CACNB4: variants seen among roughly 807,000 people sequenced by gnomAD.
CACNB4 encodes voltage-dependent L-type calcium channel subunit beta-4.
CACNB4 carries 32 observed loss-of-function variants against 71.2 expected under a neutral mutation model. The ratio of observed to expected loss-of-function variants is 0.45; its 90% CI spans 0.34 to 0.60. The LOEUF is 0.60. Among genes scored for constraint, CACNB4 ranks in the 20% least tolerant of loss-of-function variants. CACNB4 has a pLI of 0.01. For missense variants in CACNB4, 464 were observed against 647.9 expected, an observed-to-expected ratio of 0.72 and a Z score of 3.08; for synonymous variants, 231 against 236.9, an observed-to-expected ratio of 0.97 and a Z score of 0.23.
At chr2:152,024,925 A>C (rs1683881908) in intron 2 of CACNB4, among the ~76,000 whole-genome samples, 1 of 152,160 alleles carries the variant, frequency 6.6e-6, no homozygotes, top group South Asian at 2.1e-4. Flanking sequence ...GCGTGGTGGC[A>C]CGTGCCTGTA....
At chr2:151,846,199 A>G (rs911919559) in intron 12 of CACNB4, among the ~76,000 whole-genome samples, 1 of 152,202 alleles carries the variant, frequency 6.6e-6, no homozygotes, top group South Asian at 2.1e-4. Context: ...TTCAGGAGAC[A>G]TGAGACTATC....
chr2:151,926,811 G>A (rs745745614), intron 2 of CACNB4, among the ~76,000 whole-genome samples: 1 of 152,092 alleles, frequency 6.6e-6, no homozygotes, highest in Non-Finnish European at 1.5e-5. Context: ...CAAGTGCTCC[G>A]ATGGAAGGAA....
intron 2 of CACNB4, chr2:151,883,822 T>C: frequency 4.4e-6 from 1 of 225,376 alleles, no homozygotes; most frequent in Non-Finnish European, 8.9e-6. Context: ...TAAAGCATCA[T>C]CTTACATTAG....
At chr2:151,860,871 T>A in intron 9 of CACNB4, 51 bp from the exon 10 acceptor site, 5 of 1,175,062 alleles carry the variant, frequency 4.3e-6, no homozygotes, top group Non-Finnish European at 6.4e-6. Flanking sequence ...GTTATGGGGC[T>A]CTCCAAGTGA....
At chr2:151,950,331 C>A (rs893294165) in intron 2 of CACNB4, among the ~76,000 whole-genome samples, 3 of 152,176 alleles carry the variant, frequency 2.0e-5, no homozygotes, top group Admixed American at 6.5e-5. Context: ...TATGTCCTTT[C>A]CTGACTTCAT....
chr2:151,887,215 A>G (rs1183701881), intron 2 of CACNB4, among the ~76,000 whole-genome samples: 1 of 151,866 alleles, frequency 6.6e-6, no homozygotes, highest in Admixed American at 6.5e-5. Flanking sequence ...CTAGCATTCT[A>G]TTCATAAAAC....
At position 151,915,378 on chromosome 2, in the gene CACNB4, C is replaced by T. The variant is rs558995766; in HGVS notation, c.148-32008G>A. ...CGTATAGAAATGGGTGCCGCCCTTC[C>T]CCCGCCCAGGGAGCTCAGCGTGTTA... On this transcript the variant is annotated intron_variant, in intron 2 of 13. Coordinates refer to ENST00000539935, the MANE Select transcript of CACNB4 (RefSeq NM_000726.5). 2.0e-5 allele frequency among the ~76,000 whole-genome samples: 3 copies of T among 152,314 alleles called. No homozygotes were observed. The South Asian group carries it at 6.2e-4, about 32-fold the overall frequency.
chr2:151,920,578 C>A (rs1347289439), intron 2 of CACNB4, among the ~76,000 whole-genome samples: 1 of 152,074 alleles, frequency 6.6e-6, no homozygotes, highest in East Asian at 1.9e-4. Context: ...ATCCTCCCAC[C>A]TTGTCCTCCC....
At chr2:151,887,497 C>T (rs2099849659) in intron 2 of CACNB4, among the ~76,000 whole-genome samples, 1 of 151,530 alleles carries the variant, frequency 6.6e-6, no homozygotes, top group Non-Finnish European at 1.5e-5. Flanking sequence ...TTCTCAAGTA[C>T]AAAATGCAAA....
At chr2:152,020,773 A>G (rs1482609154) in intron 2 of CACNB4, among the ~76,000 whole-genome samples, 1 of 152,140 alleles carries the variant, frequency 6.6e-6, no homozygotes, top group Non-Finnish European at 1.5e-5. Flanking sequence ...GAAGCCGGGG[A>G]AAGGAAAGCA....
chr2:151,948,970 C>T (rs1006100726), intron 2 of CACNB4, among the ~76,000 whole-genome samples: 2 of 151,856 alleles, frequency 1.3e-5, no homozygotes, highest in Non-Finnish European at 2.9e-5. Context: ...TATCTACTTC[C>T]TGTCTTTCCC....
chr2:152,025,022 C>T (rs549096458), intron 2 of CACNB4, among the ~76,000 whole-genome samples: 1 of 152,278 alleles, frequency 6.6e-6, no homozygotes, highest in East Asian at 1.9e-4. Context: ...CACCACTGTA[C>T]TCCAGCCTGG....
chr2:151,839,505 G>T, intron 13 of CACNB4, 126 bp from the exon 14 acceptor site: 1 of 716,364 alleles, frequency 1.4e-6, no homozygotes, highest in Non-Finnish European at 2.4e-6. Context: ...AAGGCATCCT[G>T]ATGCACCAAT....
At chr2:151,885,108 C>A (rs1419068823) in intron 2 of CACNB4, among the ~76,000 whole-genome samples, 1 of 152,160 alleles carries the variant, frequency 6.6e-6, no homozygotes, top group Non-Finnish European at 1.5e-5. Flanking sequence ...TTCCTGGCAG[C>A]CTAGAACAAG....
At chr2:152,070,096 G>T (rs182816573) in intron 2 of CACNB4, among the ~76,000 whole-genome samples, 1,810 of 152,194 alleles carry the variant, frequency 0.012, 36 homozygotes, top group African/African-American at 0.042. Flanking sequence ...GCCCGTCTTG[G>T]CCTCCCAAAG....
At chr2:151,969,247 T>G (rs1410199182) in intron 2 of CACNB4, 1 of 152,208 alleles carries the variant, frequency 6.6e-6, no homozygotes, top group African/African-American at 2.4e-5. Flanking sequence ...AAAGACTTTT[T>G]GACTCCAGAA....
Position 151,837,877 on chromosome 2 carries a change from GTTTA to G in CACNB4, c.*1238_*1241del, listed in dbSNP as rs1408706685. ...CAACAAATATTTGCTGAATCTATGAGTTTATTTTTTACTGCAAGCTTTTAAAATC... is the reference window on the plus strand; with the variant it reads ...CAACAAATATTTGCTGAATCTATGAGTTTTTTACTGCAAGCTTTTAAAATC... On this transcript the variant is annotated 3_prime_UTR_variant, in exon 14 of 14. Transcript: ENST00000539935. The G allele has an allele frequency of 9.2e-5, 14 of 152,222 alleles. No homozygotes were observed. Among genetic ancestry groups the G allele is most frequent in the African/African-American group, 2.6e-4 (11 of 41,566 alleles). The allele number at this position is 152,222 out of a possible 1,614,324, so 9.4% of individuals were successfully genotyped here.
At chr2:152,055,089 G>A (rs963648939) in intron 2 of CACNB4, among the ~76,000 whole-genome samples, 11 of 152,162 alleles carry the variant, frequency 7.2e-5, no homozygotes, top group Admixed American at 2.0e-4. Context: ...TCAGCTCACC[G>A]TAACCGCTGC....
rs547654421 is a variant in CACNB4 at position 152,011,333 on chromosome 2, T to C, written c.147+86997A>G. Among the ~76,000 whole-genome samples, 9 of 152,330 alleles carry C rather than the reference T, an allele frequency of 5.9e-5. No homozygotes were observed. In the East Asian group the frequency reaches 1.7e-3, roughly 29 times the overall value. On this transcript the variant is annotated intron_variant, in intron 2 of 13. Transcript: ENST00000539935. ...CTGACCAAGAAACACGGTGCCTTGATCACTCTGTGACCTGGACACCTGCAT... is the reference window on the plus strand; with the variant it reads ...CTGACCAAGAAACACGGTGCCTTGACCACTCTGTGACCTGGACACCTGCAT...
Sources: allele counts gnomAD v4.1 joint callset (sites outside exome capture counted in the v4.1 genomes callset), GRCh38; gene constraint gnomAD v4.1.1; transcripts MANE v1.5; gene names NCBI Gene and HGNC (gene_info 2026-07-23, HGNC 2026-07-21).